FOXP2: variants seen among roughly 807,000 people sequenced by gnomAD.
FOXP2 encodes the protein forkhead box P2.
In FOXP2, 12 loss-of-function variants were observed where a neutral mutation model predicts 115.8. That is an observed-to-expected ratio of 0.10 (90% CI 0.07 to 0.17). The LOEUF (loss-of-function observed/expected upper bound fraction) is 0.17, where lower values mean the gene tolerates loss of function less well. Ranked by LOEUF, FOXP2 falls within the 10% of genes least tolerant of loss-of-function variation. FOXP2 has a pLI of 1.00. For missense variants in FOXP2, 629 were observed against 843.5 expected, an observed-to-expected ratio of 0.75 and a Z score of 3.15; for synonymous variants, 328 against 297.7, an observed-to-expected ratio of 1.10 and a Z score of -1.05.
intron 2 of FOXP2, among the ~76,000 whole-genome samples, chr7:114,479,648 AGT>A (rs1370264162): frequency 6.6e-6 from 1 of 151,534 alleles, no homozygotes. Context: ...ACTCTTTGAA[AGT>A]GTGTGTGTTT....
At chr7:114,620,513 G>T (rs1265494786) in intron 3 of FOXP2, among the ~76,000 whole-genome samples, 2 of 152,008 alleles carry the variant, frequency 1.3e-5, no homozygotes, top group Non-Finnish European at 2.9e-5. Flanking sequence ...TACCTATAAT[G>T]CTAGAAACCT....
chr7:114,596,059 G>A lies in FOXP2; in HGVS notation c.259-32481G>A, dbSNP rs575574303. 2.6e-5 allele frequency among the ~76,000 whole-genome samples: 4 copies of A among 152,090 alleles called. No individual in the cohort carries two copies. In the South Asian group the frequency reaches 6.2e-4, roughly 24 times the overall value. On this transcript the variant is annotated intron_variant, in intron 3 of 16. Transcript: ENST00000350908. ...CATGTCCCACATCTGAACAGGTCAC[G>A]CTGAGTCTCAGGTAGAGGCAGTCAT...
chr7:114,370,271 A>G (rs1014679959), intron 2 of FOXP2, among the ~76,000 whole-genome samples: 2 of 152,210 alleles, frequency 1.3e-5, no homozygotes, highest in African/African-American at 4.8e-5. Flanking sequence ...ATGGTTCATT[A>G]AAGTGTCCTT....
At chr7:114,149,852 A>G (rs749747865) in intron 1 of FOXP2, among the ~76,000 whole-genome samples, 2 of 152,046 alleles carry the variant, frequency 1.3e-5, no homozygotes, top group Admixed American at 1.3e-4. Flanking sequence ...TGAAATACTA[A>G]GGACATGGTA....
At chr7:114,421,911 T>G (rs1793639915) in intron 1 of FOXP2, among the ~76,000 whole-genome samples, 1 of 151,746 alleles carries the variant, frequency 6.6e-6, no homozygotes, top group African/African-American at 2.4e-5. Context: ...AACGCTAGTT[T>G]CTTTCAGAAG....
chr7:114,575,739 A>G (rs1454019344), intron 3 of FOXP2, among the ~76,000 whole-genome samples: 1 of 151,924 alleles, frequency 6.6e-6, no homozygotes, highest in African/African-American at 2.4e-5. Context: ...ACATGCAGCA[A>G]TGTTGAATTG....
At position 114,352,083 on chromosome 7, in the gene FOXP2, C is replaced by T. The variant is rs573955591; in HGVS notation, c.-11+63974C>T. 1.3e-4 allele frequency among the ~76,000 whole-genome samples: 19 copies of T among 150,672 alleles called. 1 individual carries two copies. In the South Asian group the frequency reaches 3.6e-3, roughly 28 times the overall value. On this transcript the variant is annotated intron_variant, in intron 2 of 17. Coordinates refer to the FOXP2 transcript ENST00000634411. ...AGGAGTTCAAGACCAGCTGGGGCAA[C>T]ATGGCAAAATGCCATCTCTAACAAA...
chr7:114,554,361 G>T (rs1049036655), intron 3 of FOXP2, among the ~76,000 whole-genome samples: 5 of 152,134 alleles, frequency 3.3e-5, no homozygotes, highest in South Asian at 4.2e-4. Context: ...TTACCATTGT[G>T]CTTTTAAAGA....
At chr7:114,515,215 TC>T (rs2129265034) in intron 2 of FOXP2, among the ~76,000 whole-genome samples, 1 of 149,678 alleles carries the variant, frequency 6.7e-6, no homozygotes, top group African/African-American at 2.5e-5. Flanking sequence ...TGATTTATAG[TC>T]CTTTGGGTAT....
intron 2 of FOXP2, among the ~76,000 whole-genome samples, chr7:114,295,778 C>T (rs1234569285): frequency 2.0e-5 from 3 of 152,166 alleles, no homozygotes; most frequent in Admixed American, 2.0e-4. Flanking sequence ...CTGGGGAGAG[C>T]TTTCTTTCTC....
chr7:114,320,759 C>T (rs1023806393), intron 2 of FOXP2, among the ~76,000 whole-genome samples: 5 of 152,118 alleles, frequency 3.3e-5, no homozygotes, highest in Admixed American at 2.0e-4. Context: ...ACAAAATATA[C>T]GGCCCCTCCC....
At chr7:114,461,241 A>G (rs1341637393) in intron 2 of FOXP2, among the ~76,000 whole-genome samples, 1 of 152,188 alleles carries the variant, frequency 6.6e-6, no homozygotes, top group East Asian at 1.9e-4. Context: ...GAATATCTTT[A>G]AAGTTTGGCT....
chr7:114,581,502 TGA>T (rs1801867955), intron 3 of FOXP2, among the ~76,000 whole-genome samples: 1 of 152,146 alleles, frequency 6.6e-6, no homozygotes, highest in African/African-American at 2.4e-5. Context: ...ACAGCAAAAC[TGA>T]GAGAAAGTTA....
chr7:114,352,894 G>C (rs1360556879), intron 2 of FOXP2, among the ~76,000 whole-genome samples: 1 of 152,040 alleles, frequency 6.6e-6, no homozygotes, highest in Non-Finnish European at 1.5e-5. Flanking sequence ...ACAATATACA[G>C]TTTTCTAACT....
intron 3 of FOXP2, among the ~76,000 whole-genome samples, chr7:114,621,536 C>G (rs1804257467): frequency 6.6e-6 from 1 of 152,018 alleles, no homozygotes; most frequent in South Asian, 2.1e-4. Flanking sequence ...AAATCTACCT[C>G]AGTTTTCCCT....
intron 3 of FOXP2, among the ~76,000 whole-genome samples, chr7:114,565,806 T>G (rs2129293430): frequency 6.6e-6 from 1 of 152,284 alleles, no homozygotes; most frequent in Admixed American, 6.5e-5. Context: ...TTTTTAGGCA[T>G]GCACTTACTT....
At chr7:114,131,035 C>T (rs1431214423) in intron 1 of FOXP2, among the ~76,000 whole-genome samples, 1 of 152,212 alleles carries the variant, frequency 6.6e-6, no homozygotes, top group Non-Finnish European at 1.5e-5. Context: ...CTAGTTAAGA[C>T]AACCAGAGGT....
intron 2 of FOXP2, among the ~76,000 whole-genome samples, chr7:114,506,074 C>T (rs1404261213): frequency 6.6e-6 from 1 of 151,636 alleles, no homozygotes; most frequent in Non-Finnish European, 1.5e-5. Context: ...AGATCAGTAC[C>T]TGCAAAAGTA....
At chr7:114,450,510 G>C (rs1472479783) in intron 2 of FOXP2, among the ~76,000 whole-genome samples, 1 of 152,026 alleles carries the variant, frequency 6.6e-6, no homozygotes, top group African/African-American at 2.4e-5. Context: ...CAGCATTGTG[G>C]TATTCTTTAG....
Sources: allele counts gnomAD v4.1 joint callset (sites outside exome capture counted in the v4.1 genomes callset), GRCh38; gene constraint gnomAD v4.1.1; transcripts MANE v1.5; gene names NCBI Gene and HGNC (gene_info 2026-07-23, HGNC 2026-07-21).